IL12RB2: variants seen among roughly 807,000 people sequenced by gnomAD.
IL12RB2 encodes interleukin 12 receptor subunit beta 2, also known as interleukin-12 receptor subunit beta-2.
A neutral mutation model predicts 89.4 loss-of-function variants in IL12RB2; 82 were observed. The ratio of observed to expected loss-of-function variants is 0.92; its 90% CI spans 0.77 to 1.10. The LOEUF (loss-of-function observed/expected upper bound fraction) is 1.10. Among genes scored for constraint, IL12RB2 ranks in the 50% least tolerant of loss-of-function variants. The pLI is 0.00. For synonymous variants in IL12RB2, 368 were observed against 370.1 expected, an observed-to-expected ratio of 0.99 and a Z score of 0.07; for missense variants, 963 against 1,031.9, an observed-to-expected ratio of 0.93 and a Z score of 0.92.
At chr1:67,341,221 C>T (rs1659487053) in intron 9 of IL12RB2, among the ~76,000 whole-genome samples, 1 of 152,088 alleles carries the variant, frequency 6.6e-6, no homozygotes, top group Non-Finnish European at 1.5e-5. Context: ...AGTTTGAGAC[C>T]ATCCTGGCAG....
chr1:67,386,773 G>T (rs952213509), intron 15 of IL12RB2, 104 bp downstream of exon 15: 25 of 816,458 alleles, frequency 3.1e-5, no homozygotes, highest in Non-Finnish European at 5.0e-5. Context: ...CACATTCCTG[G>T]TGAGAGACTA....
rs1570259600 is a variant in IL12RB2 at position 67,397,469 on chromosome 1, C to T, written c.*1380C>T. On this transcript the variant is annotated 3_prime_UTR_variant, in exon 17 of 17. Coordinates refer to ENST00000674203, the MANE Select transcript of IL12RB2 (RefSeq NM_001374259.2). ...CTGTCCCCTGTTCCCAAAGGCACAG[C>T]TTTCATTCCCGGAGAAGATATTGAG... Among the ~76,000 whole-genome samples, 1 of 152,344 alleles carries T rather than the reference C, an allele frequency of 6.6e-6. No homozygotes were observed. The highest frequency in any genetic ancestry group is 1.9e-4 in the East Asian group (1 of 5,186).
chr1:67,376,049 T>G (rs1383810888), intron 13 of IL12RB2, among the ~76,000 whole-genome samples: 1 of 152,110 alleles, frequency 6.6e-6, no homozygotes, highest in Non-Finnish European at 1.5e-5. Context: ...GGTTTCACCA[T>G]GTTAGCCAGG....
chr1:67,341,458 G>C (rs1659519159), intron 9 of IL12RB2, among the ~76,000 whole-genome samples: 1 of 80,002 alleles, frequency 1.2e-5, no homozygotes. Flanking sequence ...AAGAGAGGGA[G>C]GGAAGGAGGG....
chr1:67,391,524 T>C (rs1329314124), intron 16 of IL12RB2, among the ~76,000 whole-genome samples: 4 of 148,322 alleles, frequency 2.7e-5, no homozygotes, highest in Non-Finnish European at 5.9e-5. Flanking sequence ...AATTATATAA[T>C]AATATTATAC....
At position 67,329,625 on chromosome 1, in the gene IL12RB2, CA is replaced by C; in HGVS notation, c.707del (p.Lys236ArgfsTer4). The C allele has an allele frequency of 1.3e-6, 2 of 1,583,408 alleles. No homozygotes were observed. The highest frequency in any genetic ancestry group is 1.7e-6 in the Non-Finnish European group (2 of 1,151,936). On this transcript the variant is annotated frameshift_variant, in exon 7 of 17. Transcript: ENST00000674203. LOFTEE classifies it high-confidence loss of function. ...LPPWDIRIKF[Q>X]KASVSRCTLY... ...TCCGTGGGACATTAGAATCAAATTTCAAAAGGCTTCTGTGAGCAGATGTACC... is the reference window on the plus strand; with the variant it reads ...TCCGTGGGACATTAGAATCAAATTTCAAAGGCTTCTGTGAGCAGATGTACC...
chr1:67,309,077 C>T (rs1252512730), intron 1 of IL12RB2, among the ~76,000 whole-genome samples: 4 of 151,466 alleles, frequency 2.6e-5, no homozygotes, highest in Non-Finnish European at 5.9e-5. Context: ...CACACATACA[C>T]ATATATATAT....
chr1:67,334,404 G>A (rs535559258), intron 8 of IL12RB2, among the ~76,000 whole-genome samples: 1 of 152,318 alleles, frequency 6.6e-6, no homozygotes, highest in East Asian at 1.9e-4. Context: ...AGGCATGGCT[G>A]TGTTCCAACA....
At position 67,368,006 on chromosome 1, in the gene IL12RB2, T is replaced by A; in HGVS notation, c.1440T>A (p.Asn480Lys). 2 of 1,600,648 alleles carry A rather than the reference T, an allele frequency of 1.2e-6. No individual in the cohort carries two copies. Among genetic ancestry groups the A allele is most frequent in the Non-Finnish European group, 1.7e-6 (2 of 1,167,734 alleles). The change falls in exon 11 of 17, where the codon AAT becomes AAA. Residue 480 changes from asparagine (N) to lysine (K), a missense_variant. Asn to Lys is a moderately conservative substitution (Grantham distance 94). Coordinates refer to ENST00000674203, the MANE Select transcript of IL12RB2 (RefSeq NM_001374259.2). ...ACTGGCTACGGAGTCGACCCTACAATGTGTCTGCTCTGATTTCAGGTACCT... is the reference window on the plus strand; with the variant it reads ...ACTGGCTACGGAGTCGACCCTACAAAGTGTCTGCTCTGATTTCAGGTACCT... ...PLNWLRSRPY[N>K]VSALISENIK...
chr1:67,388,303 G>A (rs904593159), intron 15 of IL12RB2, among the ~76,000 whole-genome samples: 5 of 152,058 alleles, frequency 3.3e-5, no homozygotes, highest in African/African-American at 1.2e-4. Context: ...ATGAATATTG[G>A]GTGGCAATTA....
upstream of IL12RB2, chr1:67,307,668 C>T (rs12142823): frequency 0.15 from 22,346 of 152,360 alleles, 1,695 homozygotes; most frequent in Admixed American, 0.17. Context: ...GTGGAAACCA[C>T]GGGCGCCCGC....
At chr1:67,337,554 T>C (rs1658925862) in intron 8 of IL12RB2, among the ~76,000 whole-genome samples, 1 of 152,212 alleles carries the variant, frequency 6.6e-6, no homozygotes, top group South Asian at 2.1e-4. Flanking sequence ...TATTTGACCA[T>C]TGTCTTACAG....
chr1:67,373,719 C>T (rs1309200857), intron 13 of IL12RB2, among the ~76,000 whole-genome samples: 1 of 152,132 alleles, frequency 6.6e-6, no homozygotes, highest in Non-Finnish European at 1.5e-5. Flanking sequence ...CTTGACTTGA[C>T]CTTCTCTTTA....
intron 3 of IL12RB2, among the ~76,000 whole-genome samples, chr1:67,321,068 GT>G (rs1056439136): frequency 4.1e-5 from 6 of 147,424 alleles, no homozygotes; most frequent in Admixed American, 1.4e-4. Flanking sequence ...AGTTTGGTTT[GT>G]TTTTTTTTTC....
intron 10 of IL12RB2, among the ~76,000 whole-genome samples, chr1:67,364,268 GTCATC>G (rs1296669636): frequency 6.6e-6 from 1 of 152,200 alleles, no homozygotes; most frequent in African/African-American, 2.4e-5. Flanking sequence ...GTGCATGCCT[GTCATC>G]TCAGCTACTT....
intron 10 of IL12RB2, 133 bp downstream of exon 10, chr1:67,351,222 G>A: frequency 1.3e-6 from 2 of 1,493,746 alleles, no homozygotes; most frequent in South Asian, 1.3e-5. Context: ...AGCTTTCAGA[G>A]GCTTTTTTTT....
At chr1:67,372,353 T>C in intron 11 of IL12RB2, 83 bp from the exon 12 acceptor site, 1 of 808,128 alleles carries the variant, frequency 1.2e-6, no homozygotes, top group Non-Finnish European at 2.2e-6. Flanking sequence ...CTTGAAAGCA[T>C]TTGTATCAGA....
chr1:67,330,836 A>G (rs573642424), intron 8 of IL12RB2, 26 bp downstream of exon 8: 4 of 1,324,212 alleles, frequency 3.0e-6, no homozygotes, highest in South Asian at 2.3e-5. Context: ...ATACATACCT[A>G]TCGGGGAGCA....
chr1:67,348,115 C>T (rs1569956053), intron 9 of IL12RB2, among the ~76,000 whole-genome samples: 1 of 152,214 alleles, frequency 6.6e-6, no homozygotes. Context: ...TCGGCGGGCT[C>T]CTCCGGTTTG....
Sources: gnomAD v4.1 joint callset for allele counts (sites outside exome capture counted in the v4.1 genomes callset) on GRCh38, gnomAD v4.1.1 for gene constraint, MANE v1.5 for transcripts, NCBI Gene and HGNC (gene_info 2026-07-23, HGNC 2026-07-21) for gene names.